Variants in DCX observed in about 807,000 individuals in gnomAD.
The protein encoded by DCX is doublecortin.
In DCX, 4 loss-of-function variants were observed where a neutral mutation model predicts 20.9. The ratio of observed to expected loss-of-function variants is 0.19; its 90% CI spans 0.09 to 0.44. DCX has a LOEUF of 0.44. Ranked by LOEUF, DCX falls within the 20% of genes least tolerant of loss-of-function variation. DCX has a pLI of 0.99. For missense variants in DCX, 133 were observed against 296.9 expected, an observed-to-expected ratio of 0.45 and a Z score of 4.06; for synonymous variants, 103 against 111.4, an observed-to-expected ratio of 0.92 and a Z score of 0.47.
intron 3 of DCX, among the ~76,000 whole-genome samples, chrX:111,398,365 G>A (rs1313994784): frequency 1.8e-5 from 2 of 109,973 alleles, no homozygotes; most frequent in African/African-American, 6.6e-5. Flanking sequence ...AAAAGGTTTG[G>A]ATTGCTTTTA....
At chrX:111,396,837 G>A (rs1189000161) in intron 3 of DCX, among the ~76,000 whole-genome samples, 1 of 111,230 alleles carries the variant, frequency 9.0e-6, no homozygotes, top group Admixed American at 9.6e-5. Context: ...CCTGGGAGTA[G>A]CCAGAGCCCT....
intron 6 of DCX, among the ~76,000 whole-genome samples, chrX:111,311,376 G>A (rs954682987): frequency 8.9e-6 from 1 of 112,107 alleles, no homozygotes; most frequent in African/African-American, 3.2e-5. Context: ...GAAATTAAAA[G>A]ACTGATATAG....
At chrX:111,401,787 C>T (rs1210545434) in intron 2 of DCX, among the ~76,000 whole-genome samples, 1 of 112,195 alleles carries the variant, frequency 8.9e-6, no homozygotes, top group Non-Finnish European at 1.9e-5. Context: ...CCAAGGAAAA[C>T]TTTCAAAGTT....
intron 3 of DCX, among the ~76,000 whole-genome samples, chrX:111,358,124 G>C (rs1184756372): frequency 8.9e-6 from 1 of 112,049 alleles, no homozygotes; most frequent in African/African-American, 3.2e-5. Flanking sequence ...CAACGCGCCC[G>C]GCTGGAATTG....
intron 5 of DCX, among the ~76,000 whole-genome samples, chrX:111,324,474 T>C (rs776831149): frequency 1.5e-4 from 17 of 111,860 alleles, no homozygotes; most frequent in Non-Finnish European, 2.6e-4. Flanking sequence ...GTGGTTAAAA[T>C]TGTGGACTGT....
rs774136881 is a variant in DCX, at chrX:111,396,092, A to G, written c.705+4898T>C. Among the ~76,000 whole-genome samples, 12 of 112,462 alleles carry G rather than the reference A, an allele frequency of 1.1e-4. No individual in the cohort carries two copies. The South Asian group carries it at 4.4e-3, about 41-fold the overall frequency. Reference sequence around the variant, plus strand: ...AGTTCTTTTGTATGGCAACGTGGAAAGGGCAAGTCTTTCCTAGAATACTAA... The same window carrying G: ...AGTTCTTTTGTATGGCAACGTGGAAGGGGCAAGTCTTTCCTAGAATACTAA... On this transcript the variant is annotated intron_variant, in intron 3 of 6. Transcript: ENST00000636035.
chrX:111,335,381 A>T (rs1057303151), intron 3 of DCX, among the ~76,000 whole-genome samples: 3 of 112,087 alleles, frequency 2.7e-5, no homozygotes, highest in East Asian at 2.8e-4. Context: ...GTGAAAATTT[A>T]CTTAGGGCTG....
rs1169958623 is a variant in DCX at position 111,411,103 on chromosome X, C to A, written c.-22-683G>T. ...CTTTGTGCTATTCATCAAACCCTTT[C>A]CCCACCAAGCTGGTGCAGCTATCCG... On this transcript the variant is annotated intron_variant, in intron 1 of 6. Transcript: ENST00000636035. 7.3e-6 allele frequency: 4 copies of A among 549,180 alleles called. No homozygotes were observed. The African/African-American group carries it at 9.3e-5, about 13-fold the overall frequency. 45.3% of individuals were successfully genotyped at this position (549,180 alleles called of 1,213,427 possible). A position where few individuals can be genotyped will look rare whatever the true frequency, so the allele number is the denominator to read the frequency against.
Position 111,294,883 on chromosome X carries a change from C to T in DCX, c.*6804G>A, listed in dbSNP as rs766994569. On this transcript the variant is annotated 3_prime_UTR_variant, in exon 7 of 7. Transcript: ENST00000636035. Reference sequence around the variant, plus strand: ...TGCTACAGGTACTCAATTCTAACTACAGCTATAGGGCAGAAAGGGTGGGCT... The same window carrying T: ...TGCTACAGGTACTCAATTCTAACTATAGCTATAGGGCAGAAAGGGTGGGCT... 2 of 112,514 alleles carry T rather than the reference C, an allele frequency of 1.8e-5. No individual in the cohort carries two copies. The highest frequency in any genetic ancestry group is 5.6e-4 in the East Asian group (2 of 3,593). 9.3% of individuals were successfully genotyped at this position (112,514 alleles called of 1,213,427 possible).
intron 3 of DCX, among the ~76,000 whole-genome samples, chrX:111,340,291 A>T (rs1281933987): frequency 9.0e-6 from 1 of 111,336 alleles, no homozygotes; most frequent in Non-Finnish European, 1.9e-5. Context: ...CCTGACCCTG[A>T]CTCATCCTTC....
chrX:111,387,190 G>A (rs1399566212), intron 3 of DCX, among the ~76,000 whole-genome samples: 1 of 112,109 alleles, frequency 8.9e-6, no homozygotes, highest in Non-Finnish European at 1.9e-5. Flanking sequence ...AAAGTGCCTA[G>A]GGCCCACAGC....
chrX:111,328,120 T>C (rs761735899), intron 5 of DCX, among the ~76,000 whole-genome samples: 1 of 112,428 alleles, frequency 8.9e-6, no homozygotes, highest in Non-Finnish European at 1.9e-5. Flanking sequence ...TTTGTAATTC[T>C]GCTATCTGCC....
At chrX:111,409,095 C>G (rs768944632) in intron 2 of DCX, among the ~76,000 whole-genome samples, 145 of 111,342 alleles carry the variant, frequency 1.3e-3, no homozygotes, top group African/African-American at 4.6e-3. Context: ...TGAAGCTGTT[C>G]TTTAAAGCAC....
At chrX:111,408,596 T>C (rs925162371) in intron 2 of DCX, among the ~76,000 whole-genome samples, 11 of 87,468 alleles carry the variant, frequency 1.3e-4, no homozygotes, top group Non-Finnish European at 1.7e-4. Flanking sequence ...AGCGAAACTC[T>C]GTGAAAGAAA....
chrX:111,329,194 C>T (rs756653212), intron 5 of DCX, among the ~76,000 whole-genome samples: 4 of 112,109 alleles, frequency 3.6e-5, no homozygotes, highest in Non-Finnish European at 7.5e-5. Flanking sequence ...TTTGTAGTTT[C>T]AGCAATATAA....
intron 3 of DCX, among the ~76,000 whole-genome samples, chrX:111,358,116 ACGCGCCCGGCTGGAATTGGAGTT>A (rs1923903269): frequency 8.9e-6 from 1 of 112,063 alleles, no homozygotes; most frequent in Admixed American, 9.4e-5. Flanking sequence ...GTGTGAACCA[ACGCGCCCGGCTGGAATTGGAGTT>A]CTGACTAAGA....
intron 3 of DCX, among the ~76,000 whole-genome samples, chrX:111,333,874 T>C (rs1486742512): frequency 8.9e-6 from 1 of 111,755 alleles, no homozygotes; most frequent in Non-Finnish European, 1.9e-5. Flanking sequence ...CAACCCCCTT[T>C]CTGCACAAAG....
rs1297129655 is a variant in DCX, at chrX:111,297,962, G to A, written c.*3725C>T. The A allele has an allele frequency of 1.8e-5, 2 of 111,633 alleles. No homozygotes were observed. The highest frequency in any genetic ancestry group is 3.8e-5 in the Non-Finnish European group (2 of 53,161). 9.2% of individuals were successfully genotyped at this position (111,633 alleles called of 1,213,427 possible). ...GACATTGTGGATGAGGGCAACCACA[G>A]TGAGACCAGGTTATTTTCTCTAGCT... is the stretch of plus-strand genomic sequence containing the variant. On this transcript the variant is annotated 3_prime_UTR_variant, in exon 7 of 7. Coordinates refer to ENST00000636035, the MANE Select transcript of DCX (RefSeq NM_001195553.2).
intron 1 of DCX, chrX:111,410,732 A>C: frequency 8.7e-7 from 1 of 1,150,854 alleles, no homozygotes; most frequent in African/African-American, 2.8e-5. Context: ...ATTTTGAAAT[A>C]GCTGAAAATC....
Sources: gnomAD v4.1 joint callset for allele counts (sites outside exome capture counted in the v4.1 genomes callset) on GRCh38, gnomAD v4.1.1 for gene constraint, MANE v1.5 for transcripts, NCBI Gene and HGNC (gene_info 2026-07-23, HGNC 2026-07-21) for gene names.